The following SNX29 variants were observed in gnomAD, a reference collection of about 807,000 sequenced individuals.
SNX29 encodes sorting nexin 29.
SNX29 carries 78 observed loss-of-function variants against 102.1 expected under a neutral mutation model. The observed-to-expected ratio is 0.76, with a 90% CI of 0.64 to 0.92. The LOEUF is 0.92. SNX29 is among the 40% of genes least tolerant of loss of function. The probability of loss-of-function intolerance (pLI) is 0.00; values close to 1 mark genes in which losing one functional copy is unlikely to be tolerated. For missense variants in SNX29, 1,280 were observed against 1,061.7 expected (o/e 1.21, Z -2.86); for synonymous variants, 580 against 414.5 (o/e 1.40, Z -4.85).
chr16:12,385,868 G>A (rs537806696), intron 16 of SNX29, among the ~76,000 whole-genome samples: 56 of 152,306 alleles, frequency 3.7e-4, no homozygotes, highest in Admixed American at 1.2e-3. Flanking sequence ...ACATTCTCTG[G>A]GACCAACGGG....
At chr16:12,103,055 G>A (rs1041813708) in intron 11 of SNX29, among the ~76,000 whole-genome samples, 1 of 152,154 alleles carries the variant, frequency 6.6e-6, no homozygotes, top group Admixed American at 6.5e-5. Context: ...AATAAGAGAG[G>A]ATACAAACAA....
In SNX29 at chr16:12,568,858, A is replaced by T; in HGVS notation, c.*229A>T. The T allele has an allele frequency of 6.3e-6, 4 of 632,388 alleles. No individual in the cohort carries two copies. The highest frequency in any genetic ancestry group is 7.9e-6 in the Non-Finnish European group (3 of 381,482). 39.2% of individuals were successfully genotyped at this position (632,388 alleles called of 1,614,324 possible). A position where few individuals can be genotyped will look rare whatever the true frequency, so the allele number is the denominator to read the frequency against. On this transcript the variant is annotated 3_prime_UTR_variant, in exon 21 of 21. Transcript: ENST00000566228. ...AGCACCTCGCTGGAGAGACTGGGAC[A>T]CACAGTCCTTCTGCTTCTGGGGTCT...
At chr16:12,016,082 C>T (rs1320731776) in intron 3 of SNX29, among the ~76,000 whole-genome samples, 1 of 151,904 alleles carries the variant, frequency 6.6e-6, no homozygotes, top group East Asian at 1.9e-4. Context: ...CCAGGCTGGT[C>T]TCAAATTCCT....
intron 14 of SNX29, among the ~76,000 whole-genome samples, chr16:12,206,384 C>CAAA (rs59859762): frequency 3.0e-4 from 28 of 92,068 alleles, no homozygotes; most frequent in Admixed American, 4.6e-4. Context: ...AAATAGCTTT[C>CAAA]AAAAAAAAAA....
chr16:12,380,530 T>G (rs1457424056), intron 16 of SNX29, among the ~76,000 whole-genome samples: 1 of 50,998 alleles, frequency 2.0e-5, no homozygotes, highest in Non-Finnish European at 3.8e-5. Flanking sequence ...TCCATCCACC[T>G]GTCCACCTAC....
At position 12,451,712 on chromosome 16, in the gene SNX29, A is replaced by C. The variant is rs915553422; in HGVS notation, c.2038-26007A>C. ...TCCCCATCTCTACTAAAAATACAAA[A>C]AATTAGCCGGGCATGGTGATGCACA... On this transcript the variant is annotated intron_variant, in intron 18 of 20. Coordinates refer to ENST00000566228, the MANE Select transcript of SNX29 (RefSeq NM_032167.5). Among the ~76,000 whole-genome samples the C allele has an allele frequency of 2.0e-5, 3 of 152,236 alleles. No homozygotes were observed. In the East Asian group the frequency reaches 5.8e-4, roughly 29 times the overall value.
intron 19 of SNX29, among the ~76,000 whole-genome samples, chr16:12,499,828 ACCATG>A (rs1168733113): frequency 2.6e-5 from 4 of 151,944 alleles, no homozygotes; most frequent in African/African-American, 9.7e-5. Flanking sequence ...GTTACGCACA[ACCATG>A]CCTGGCTAAT....
chr16:12,043,016 C>G lies in SNX29; in HGVS notation c.367C>G (p.Leu123Val). The part of the protein sequence containing the change: ...GRGRAWLRCA[L>V]NEHSLERYLH... ...GGGTCGCGCCTGGCTGCGCTGTGCC[C>G]TCAACGAACACTCCCTGGAGCGCTA... The change falls in exon 5 of 21, where the codon CTC becomes GTC. Residue 123 changes from leucine to valine, a missense_variant. Transcript: ENST00000566228. 6.2e-7 allele frequency: 1 copy of G among 1,613,626 alleles called. No individual in the cohort carries two copies. The highest frequency in any genetic ancestry group is 1.1e-5 in the South Asian group (1 of 91,062).
At chr16:12,151,357 T>C (rs2055293468) in intron 13 of SNX29, among the ~76,000 whole-genome samples, 1 of 152,216 alleles carries the variant, frequency 6.6e-6, no homozygotes, top group Non-Finnish European at 1.5e-5. Context: ...AGTTCAAAGT[T>C]CCTTGATGGT....
At chr16:12,123,493 T>C (rs1428144327) in intron 11 of SNX29, among the ~76,000 whole-genome samples, 1 of 152,176 alleles carries the variant, frequency 6.6e-6, no homozygotes, top group Non-Finnish European at 1.5e-5. Context: ...TATACATATA[T>C]ATCATATACA....
chr16:12,161,389 C>T (rs2055778742), intron 13 of SNX29, among the ~76,000 whole-genome samples: 1 of 152,176 alleles, frequency 6.6e-6, no homozygotes, highest in Non-Finnish European at 1.5e-5. Context: ...GAAGCTCTGC[C>T]AGGAATGACT....
At position 12,474,215 on chromosome 16, in the gene SNX29, G is replaced by A. The variant is rs543093950; in HGVS notation, c.2038-3504G>A. Reference sequence around the variant, plus strand: ...TACTTCAGCTGAAAAGGGAGTGTTCGTACCATCTGCCTTGCAGATTAACTT... The same window carrying A: ...TACTTCAGCTGAAAAGGGAGTGTTCATACCATCTGCCTTGCAGATTAACTT... On this transcript the variant is annotated intron_variant, in intron 18 of 20. Transcript: ENST00000566228. 8.5e-5 allele frequency among the ~76,000 whole-genome samples: 13 copies of A among 152,260 alleles called. No individual in the cohort carries two copies. In the East Asian group the frequency reaches 1.7e-3, roughly 20 times the overall value.
rs1003793592 is a variant in SNX29 at position 12,390,174 on chromosome 16, GTGTGTGTA to G, written c.1900-8268_1900-8261del. Among the ~76,000 whole-genome samples the G allele has an allele frequency of 7.2e-5, 11 of 151,910 alleles. No individual in the cohort carries two copies. In the East Asian group the frequency reaches 1.6e-3, roughly 21 times the overall value. On this transcript the variant is annotated intron_variant, in intron 16 of 20. Transcript: ENST00000566228. ...GGTGTGTGTGTGTGTGTGTGTGTGT[GTGTGTGTA>G]TGTATATGTATATGTGTGCACGCAC... is the stretch of plus-strand genomic sequence containing the variant.
intron 3 of SNX29, among the ~76,000 whole-genome samples, chr16:12,013,500 A>AAAAATATATAT: frequency 3.5e-4 from 11 of 31,622 alleles, no homozygotes; most frequent in South Asian, 1.4e-3. Flanking sequence ...AAAAAAAAAA[A>AAAAATATATAT]ATATATATAT....
At chr16:12,279,043 A>G (rs1387960124) in intron 15 of SNX29, among the ~76,000 whole-genome samples, 2 of 152,208 alleles carry the variant, frequency 1.3e-5, no homozygotes, top group Non-Finnish European at 2.9e-5. Context: ...AAAGTTGAGA[A>G]GCTATGTTTT....
rs374830145 is a variant in SNX29 at position 12,518,292 on chromosome 16, T to C, written c.2179-6410T>C. ...GGCTTTGTTCACTGGTCTACGTGGC[T>C]CTGCACGGTTTTACTGCTGCTCACA... On this transcript the variant is annotated intron_variant, in intron 19 of 20. Coordinates refer to ENST00000566228, the MANE Select transcript of SNX29 (RefSeq NM_032167.5). Among the ~76,000 whole-genome samples, 32 of 152,222 alleles carry C rather than the reference T, an allele frequency of 2.1e-4. 1 individual carries two copies. The East Asian group carries it at 3.9e-3, about 18-fold the overall frequency.
At chr16:12,180,777 G>C (rs932423544) in intron 13 of SNX29, among the ~76,000 whole-genome samples, 5 of 152,108 alleles carry the variant, frequency 3.3e-5, no homozygotes, top group Admixed American at 3.3e-4. Flanking sequence ...GAGCCACCTC[G>C]CCTGGCCCGT....
intron 13 of SNX29, among the ~76,000 whole-genome samples, chr16:12,155,642 G>A (rs1439763285): frequency 1.3e-5 from 2 of 152,204 alleles, no homozygotes; most frequent in Admixed American, 1.3e-4. Context: ...TGTGGAGTTG[G>A]AGATGCGTTT....
chr16:12,058,955 G>T (rs1429685613), intron 8 of SNX29, among the ~76,000 whole-genome samples: 1 of 151,786 alleles, frequency 6.6e-6, no homozygotes, highest in African/African-American at 2.4e-5. Context: ...ACCATACCTG[G>T]CTAATTTTTA....
Sources: gnomAD v4.1 joint callset for allele counts (sites outside exome capture counted in the v4.1 genomes callset) on GRCh38, gnomAD v4.1.1 for gene constraint, MANE v1.5 for transcripts, NCBI Gene and HGNC (gene_info 2026-07-23, HGNC 2026-07-21) for gene names.